The following BCKDHB variants were observed in gnomAD, a reference collection of about 807,000 sequenced individuals.
The protein encoded by BCKDHB is branched chain keto acid dehydrogenase E1 subunit beta.
In BCKDHB, 41 loss-of-function variants were observed where a neutral mutation model predicts 48.5. The ratio of observed to expected loss-of-function variants is 0.85; its 90% CI spans 0.66 to 1.10. The LOEUF is 1.10. BCKDHB is among the 50% of genes least tolerant of loss of function. The pLI is 0.00. For missense variants in BCKDHB, 496 were observed against 494.2 expected (o/e 1.00, Z -0.03); for synonymous variants, 201 against 174.8 (o/e 1.15, Z -1.18).
At chr6:80,140,730 A>T (rs1360695103) in intron 3 of BCKDHB, among the ~76,000 whole-genome samples, 1 of 152,144 alleles carries the variant, frequency 6.6e-6, no homozygotes, top group Non-Finnish European at 1.5e-5. Context: ...GGATTTTTGC[A>T]TCAATGTTCA....
At chr6:80,130,378 T>C (rs566066167) in intron 3 of BCKDHB, among the ~76,000 whole-genome samples, 7 of 152,246 alleles carry the variant, frequency 4.6e-5, no homozygotes, top group Non-Finnish European at 8.8e-5. Context: ...TTGTTGTCTC[T>C]TTTTCTGTTC....
chr6:80,396,838 C>G, the BCKDHB span, among the ~76,000 whole-genome samples: 9 of 152,190 alleles, frequency 5.9e-5, no homozygotes, highest in African/African-American at 2.2e-4. Flanking sequence ...CCATGTGGAA[C>G]TGTAAATCAA....
chr6:80,149,533 C>T (rs1272158170), intron 3 of BCKDHB, among the ~76,000 whole-genome samples: 1 of 151,608 alleles, frequency 6.6e-6, no homozygotes, highest in East Asian at 1.9e-4. Flanking sequence ...TGTTTATTCA[C>T]ACACATGCAG....
intron 1 of BCKDHB, among the ~76,000 whole-genome samples, chr6:80,107,330 TTATA>T (rs1769134271): frequency 6.9e-6 from 1 of 145,960 alleles, no homozygotes; most frequent in South Asian, 2.1e-4. Flanking sequence ...TAAATGTATA[TTATA>T]TATATTATAT....
the BCKDHB span, among the ~76,000 whole-genome samples, chr6:80,359,258 TCTC>T: frequency 1.3e-5 from 2 of 152,126 alleles, no homozygotes; most frequent in East Asian, 3.9e-4. Flanking sequence ...GAGACCTTGT[TCTC>T]CTCGTAGGAG....
chr6:80,437,676 A>G, the BCKDHB span, among the ~76,000 whole-genome samples: 1 of 152,152 alleles, frequency 6.6e-6, no homozygotes, highest in Non-Finnish European at 1.5e-5. Flanking sequence ...TTAGATTAAG[A>G]CTAATTTCTT....
At chr6:80,315,053 C>G (rs1768367770) in intron 9 of BCKDHB, among the ~76,000 whole-genome samples, 1 of 152,188 alleles carries the variant, frequency 6.6e-6, no homozygotes, top group Non-Finnish European at 1.5e-5. Context: ...TTCCAGCTGC[C>G]TGGAATTCCA....
the BCKDHB span, among the ~76,000 whole-genome samples, chr6:80,438,220 A>G: frequency 2.0e-5 from 3 of 152,228 alleles, no homozygotes; most frequent in Non-Finnish European, 2.9e-5. Flanking sequence ...ATGATGTCAT[A>G]ATTTGCACAC....
At chr6:80,254,914 A>T (rs1050854224) in intron 8 of BCKDHB, among the ~76,000 whole-genome samples, 2 of 152,160 alleles carry the variant, frequency 1.3e-5, no homozygotes, top group African/African-American at 4.8e-5. Flanking sequence ...AGATAGACAG[A>T]CAGACAGACA....
Position 80,339,013 on chromosome 6 carries a change from A to T in BCKDHB, c.1039-4651A>T, listed in dbSNP as rs955055901. ...TTATGAAACCTTGCCATAAAAAAAA[A>T]AATTGTTGAGGATGAGCGAAGCCAC... On this transcript the variant is annotated intron_variant, in intron 9 of 9. Transcript: ENST00000320393. 7.0e-5 allele frequency among the ~76,000 whole-genome samples: 4 copies of T among 57,546 alleles called. No homozygotes were observed. In the Admixed American group the frequency reaches 1.1e-3, roughly 16 times the overall value. 37.8% of individuals were successfully genotyped at this position (57,546 alleles called of 152,430 possible).
At chr6:80,151,841 T>C (rs965564803) in intron 3 of BCKDHB, among the ~76,000 whole-genome samples, 1 of 152,222 alleles carries the variant, frequency 6.6e-6, no homozygotes, top group Non-Finnish European at 1.5e-5. Context: ...AATGTCCTCC[T>C]TGGTGAATGA....
intron 8 of BCKDHB, among the ~76,000 whole-genome samples, chr6:80,271,032 C>T (rs553595309): frequency 1.3e-5 from 2 of 152,062 alleles, no homozygotes; most frequent in Non-Finnish European, 2.9e-5. Flanking sequence ...AAGTAAAAGT[C>T]TCTTTCCTAC....
chr6:80,172,462 A>G (rs1004444657), intron 6 of BCKDHB, among the ~76,000 whole-genome samples: 6 of 152,174 alleles, frequency 3.9e-5, no homozygotes, highest in Admixed American at 2.0e-4. Context: ...TATTACTACT[A>G]AGTAATAATA....
chr6:80,152,428 G>T (rs1286266306), intron 3 of BCKDHB, among the ~76,000 whole-genome samples: 2 of 152,032 alleles, frequency 1.3e-5, no homozygotes, highest in African/African-American at 4.8e-5. Context: ...ATGAGTTTTT[G>T]TGTTTTTCTC....
At chr6:80,125,978 G>T in intron 1 of BCKDHB, among the ~76,000 whole-genome samples, 1 of 152,154 alleles carries the variant, frequency 6.6e-6, no homozygotes, top group East Asian at 1.9e-4. Context: ...AAAATAAAGT[G>T]AAGCACAGTA....
In BCKDHB at chr6:80,281,862, G is replaced by GAA. The variant is rs71551700; in HGVS notation, c.1038+8650_1038+8651dup. 4.4e-3 allele frequency among the ~76,000 whole-genome samples: 639 copies of GAA among 146,336 alleles called. 3 individuals are homozygous for GAA. The highest frequency in any genetic ancestry group is 7.2e-3 in the Admixed American group (107 of 14,786). ...TCCTAATAAACTCTAAATGAACTTA[G>GAA]AAAAAAAAAAGAAAACCACTAAATC... On this transcript the variant is annotated intron_variant, in intron 9 of 9. Coordinates refer to ENST00000320393, the MANE Select transcript of BCKDHB (RefSeq NM_183050.4).
Position 80,304,218 on chromosome 6 carries a change from G to A in BCKDHB, c.1038+30997G>A, listed in dbSNP as rs76403394. Among the ~76,000 whole-genome samples the A allele has an allele frequency of 6.0e-3, 913 of 152,230 alleles. 10 individuals are homozygous for A. Among genetic ancestry groups the A allele is most frequent in the African/African-American group, 0.021 (873 of 41,568 alleles). ...TCTTCAGTTGGAAGATTCTTCACTT[G>A]TAGTAGGCTTTTGGCAGATCTGGGT... On this transcript the variant is annotated intron_variant, in intron 9 of 9. Coordinates refer to ENST00000320393, the MANE Select transcript of BCKDHB (RefSeq NM_183050.4).
intron 9 of BCKDHB, 158 bp from the exon 10 acceptor site, chr6:80,343,504 ATG>A (rs2075560673): frequency 2.6e-6 from 2 of 768,690 alleles, no homozygotes; most frequent in African/African-American, 1.8e-5. Context: ...TCATGCGAAC[ATG>A]CTGTTACCTG....
intron 8 of BCKDHB, among the ~76,000 whole-genome samples, chr6:80,224,685 C>T (rs778055804): frequency 4.6e-5 from 7 of 152,182 alleles, no homozygotes; most frequent in Non-Finnish European, 7.3e-5. Context: ...CAGGAGTGAG[C>T]CACTGTGCCA....
Sources: allele counts gnomAD v4.1 joint callset (sites outside exome capture counted in the v4.1 genomes callset), GRCh38; gene constraint gnomAD v4.1.1; transcripts MANE v1.5; gene names NCBI Gene and HGNC (gene_info 2026-07-23, HGNC 2026-07-21).